Variants in CEP72 observed in about 807,000 individuals in gnomAD.
The protein encoded by CEP72 is centrosomal protein of 72 kDa.
CEP72 carries 78 observed loss-of-function variants against 65.7 expected under a neutral mutation model. The observed-to-expected ratio is 1.19, with a 90% CI of 0.99 to 1.43. The LOEUF is 1.43. CEP72 is among the 40% of genes most tolerant of loss of function. The pLI is 0.00. For missense variants in CEP72, 914 were observed against 832.9 expected (o/e 1.10, Z -1.20); for synonymous variants, 358 against 351.7 (o/e 1.02, Z -0.20).
chr5:661,911 G>A (rs1213032104), downstream of CEP72: 2 of 152,396 alleles, frequency 1.3e-5, no homozygotes, highest in Non-Finnish European at 2.9e-5. Flanking sequence ...GCCGCTGGGG[G>A]AGGGCGTGCC....
chr5:649,208 G>T (rs1314470808), intron 11 of CEP72, among the ~76,000 whole-genome samples: 7 of 132,644 alleles, frequency 5.3e-5, no homozygotes, highest in African/African-American at 2.0e-4. Context: ...TGACTGTGAG[G>T]TGTGGACTGT....
At chr5:665,936 T>A in intron 3 of CEP72, 10 of 254,614 alleles carry the variant, frequency 3.9e-5, no homozygotes, top group African/African-American at 2.1e-4. Context: ...CCCCACCCCC[T>A]CCAGGCCCCG....
chr5:657,334 G>A (rs570299588), downstream of CEP72, among the ~76,000 whole-genome samples: 208 of 152,284 alleles, frequency 1.4e-3, no homozygotes, highest in African/African-American at 4.6e-3. Context: ...GCGTGCTCTA[G>A]TACAGTGGTT....
At chr5:637,418 A>G in intron 6 of CEP72, 99 bp from the exon 7 acceptor site, 1 of 1,012,078 alleles carries the variant, frequency 9.9e-7, no homozygotes, top group Admixed American at 2.1e-5. Context: ...CCATGTGTGT[A>G]TATACATGGG....
intron 1 of CEP72, among the ~76,000 whole-genome samples, chr5:613,620 G>T (rs1735815261): frequency 6.6e-6 from 1 of 152,210 alleles, no homozygotes; most frequent in Non-Finnish European, 1.5e-5. Context: ...ACCTGCCTTG[G>T]CCTCCCAAAG....
chr5:675,021 C>T, the CEP72 span, among the ~76,000 whole-genome samples: 73 of 68,618 alleles, frequency 1.1e-3, no homozygotes, highest in African/African-American at 3.3e-3. Context: ...ACAGTGTGGC[C>T]GGGGGAGCAG....
At chr5:637,175 C>T (rs1697984) in intron 6 of CEP72, among the ~76,000 whole-genome samples, 37,005 of 152,196 alleles carry the variant, frequency 0.24, 4,600 homozygotes, top group East Asian at 0.43. Context: ...TTGTTTGGAA[C>T]GCGTTGTTGA....
downstream of CEP72, among the ~76,000 whole-genome samples, chr5:668,935 C>G (rs958119186): frequency 7.9e-5 from 12 of 152,134 alleles, no homozygotes; most frequent in Admixed American, 6.5e-4. Flanking sequence ...TGGGTGATTC[C>G]CAGACCCCAA....
chr5:651,338 T>TGACTGTGAGGCATG lies in CEP72; in HGVS notation c.1779-1640_1779-1639insCATGGACTGTGAGG, dbSNP rs1331032442. On this transcript the variant is annotated intron_variant, in intron 11 of 11. Transcript: ENST00000264935. ...ACTGTGAGGCGTGGACTGTGAGGTG[T>TGACTGTGAGGCATG]GACTGTGAGGTGTGACTGAGGCATG... Among the ~76,000 whole-genome samples the TGACTGTGAGGCATG allele has an allele frequency of 8.5e-4, 124 of 146,262 alleles. 1 individual carries two copies. The highest frequency in any genetic ancestry group is 3.1e-3 in the African/African-American group (122 of 39,000).
downstream of CEP72, among the ~76,000 whole-genome samples, chr5:659,596 T>C (rs1739498997): frequency 6.6e-6 from 1 of 152,196 alleles, no homozygotes; most frequent in Non-Finnish European, 1.5e-5. Context: ...CCATTCCCCT[T>C]GAATCTAGAC....
rs765902999 is a variant in CEP72, at chr5:644,160, C to A, written c.1540-139C>A. On this transcript the variant is annotated intron_variant, in intron 9 of 11. Transcript: ENST00000264935. ...GGGAGCAGGGAGATGTACCGTGAAA[C>A]TGAATTACTGCCTTTCACATCGTGA... 22 of 938,124 alleles carry A rather than the reference C, an allele frequency of 2.3e-5. No homozygotes were observed. The African/African-American group carries it at 3.1e-4, about 13-fold the overall frequency. The allele number at this position is 938,124 out of a possible 1,614,324, so 58.1% of individuals were successfully genotyped here.
intron 3 of CEP72, among the ~76,000 whole-genome samples, chr5:621,122 C>G (rs1736362085): frequency 6.6e-6 from 1 of 152,190 alleles, no homozygotes. Context: ...GAGTTAATAT[C>G]TGTAAGCTCC....
chr5:616,331 T>C (rs1420062567), intron 1 of CEP72, among the ~76,000 whole-genome samples: 3 of 152,238 alleles, frequency 2.0e-5, no homozygotes, highest in Non-Finnish European at 4.4e-5. Flanking sequence ...TTCTTCTTTA[T>C]ATCTCCTGTT....
the CEP72 span, chr5:676,537 T>C: frequency 6.9e-6 from 1 of 144,948 alleles, no homozygotes; most frequent in Non-Finnish European, 1.5e-5. Context: ...TGCGGCAATG[T>C]AGGAATGAAA....
chr5:651,452 C>T (rs894630688), intron 11 of CEP72, among the ~76,000 whole-genome samples: 1 of 151,938 alleles, frequency 6.6e-6, no homozygotes, highest in Admixed American at 6.6e-5. Flanking sequence ...GAGAGAGGTG[C>T]ATGAGAGATG....
chr5:617,830 A>G (rs1736093088), intron 1 of CEP72, among the ~76,000 whole-genome samples: 1 of 152,204 alleles, frequency 6.6e-6, no homozygotes, highest in South Asian at 2.1e-4. Context: ...GCACCACGGT[A>G]CTCCAGCATG....
Position 652,835 on chromosome 5 carries a change from A to G in CEP72, c.1779-153A>G, listed in dbSNP as rs182396997. ...AGGCAGGTGGGCGGTAGCCAGTGGGACACAGAAGGTGATGGGGCCACAGAG... is the reference window on the plus strand; with the variant it reads ...AGGCAGGTGGGCGGTAGCCAGTGGGGCACAGAAGGTGATGGGGCCACAGAG... On this transcript the variant is annotated intron_variant, in intron 11 of 11. Coordinates refer to ENST00000264935, the MANE Select transcript of CEP72 (RefSeq NM_018140.4). Among the ~76,000 whole-genome samples the G allele has an allele frequency of 3.9e-5, 6 of 152,322 alleles. No individual in the cohort carries two copies. In the East Asian group the frequency reaches 1.2e-3, roughly 29 times the overall value.
chr5:652,232 A>AACATGGT (rs1424616825), intron 11 of CEP72, among the ~76,000 whole-genome samples: 2 of 152,208 alleles, frequency 1.3e-5, no homozygotes, highest in African/African-American at 4.8e-5. Context: ...ACAGCTCCCA[A>AACATGGT]ACATGGTGGC....
downstream of CEP72, chr5:661,220 CAG>C (rs1275968125): frequency 1.3e-5 from 2 of 152,026 alleles, no homozygotes; most frequent in East Asian, 3.8e-4. Flanking sequence ...TCACCCCCAA[CAG>C]AACCTGTCCC....
Sources: allele counts gnomAD v4.1 joint callset (sites outside exome capture counted in the v4.1 genomes callset), GRCh38; gene constraint gnomAD v4.1.1; transcripts MANE v1.5; gene names NCBI Gene and HGNC (gene_info 2026-07-23, HGNC 2026-07-21).